The following SLC7A10 variants were observed in gnomAD, a reference collection of about 807,000 sequenced individuals.
SLC7A10 encodes solute carrier family 7 member 10.
SLC7A10 carries 30 observed loss-of-function variants against 52.7 expected under a neutral mutation model. That is an observed-to-expected ratio of 0.57 (90% CI 0.43 to 0.77). SLC7A10 has a LOEUF of 0.77. Ranked by LOEUF, SLC7A10 falls within the 30% of genes least tolerant of loss-of-function variation. The pLI is 0.00. For synonymous variants in SLC7A10, 318 were observed against 314.9 expected (o/e 1.01, Z -0.10); for missense variants, 581 against 698.5 (o/e 0.83, Z 1.90).
rs777953952 is a variant in SLC7A10, at chr19:33,212,569, C to T, written c.579G>A (p.Gly193=). Residue 193 remains glycine (G), a synonymous_variant, in exon 4 of 11, where the codon GGG becomes GGA. Transcript: ENST00000253188. ...TGATGAGGGACAAGGCCAGCAGCTT[C>T]CCGCCTGTGAACATGTCCTGGATGC... ...ATRIQDMFTG[G]KLLALSLIIG... 5.6e-6 allele frequency: 9 copies of T among 1,613,908 alleles called. No homozygotes were observed. Among genetic ancestry groups the T allele is most frequent in the Non-Finnish European group, 6.8e-6 (8 of 1,180,064 alleles).
chr19:33,222,775 C>T (rs1255641663), intron 1 of SLC7A10, among the ~76,000 whole-genome samples: 2 of 152,054 alleles, frequency 1.3e-5, no homozygotes, highest in South Asian at 2.1e-4. Context: ...GGCCGATTCC[C>T]TTCCATCTGT....
chr19:33,212,021 A>C (rs1974564845), intron 5 of SLC7A10: 1 of 573,010 alleles, frequency 1.7e-6, no homozygotes, highest in African/African-American at 1.9e-5. Flanking sequence ...GCCAAATGCA[A>C]ATCTCTGGAT....
Position 33,214,574 on chromosome 19 carries a change from C to T in SLC7A10, c.356+1195G>A, listed in dbSNP as rs77769736. On this transcript the variant is annotated intron_variant, in intron 2 of 10. Coordinates refer to ENST00000253188, the MANE Select transcript of SLC7A10 (RefSeq NM_019849.3). The stretch of plus-strand genomic sequence containing the variant: ...ACCTGCCGTAAACCCAACCTGACCT[C>T]ACCTCTAGCTACAGCAGACTCCCTG... 7.0e-3 allele frequency among the ~76,000 whole-genome samples: 1,074 copies of T among 152,372 alleles called. 11 individuals carry two copies. The highest frequency in any genetic ancestry group is 0.025 in the African/African-American group (1,026 of 41,582).
chr19:33,209,759 C>T (rs8107888), intron 9 of SLC7A10, among the ~76,000 whole-genome samples: 5,211 of 152,232 alleles, frequency 0.034, 318 homozygotes, highest in African/African-American at 0.12. Flanking sequence ...TTGCACTTGG[C>T]TGGAGGTCAG....
At position 33,225,599 on chromosome 19, in the gene SLC7A10, C is replaced by T. The variant is rs201078134; in HGVS notation, c.105G>A (p.Ala35=). Residue 35 remains alanine (A), a synonymous_variant, in exon 1 of 11, where the codon GCG becomes GCA. Transcript: ENST00000253188. Reference sequence around the variant, plus strand: ...TCAGCAGCCCGATCTCCTTCTTGAGCGCCACCCGCTCCGAGGCGCCGGGGA... The same window carrying T: ...TCAGCAGCCCGATCTCCTTCTTGAGTGCCACCCGCTCCGAGGCGCCGGGGA... The part of the protein sequence containing the change: ...GTVPGASERV[A]LKKEIGLLSA... 158 of 1,595,586 alleles carry T rather than the reference C, an allele frequency of 9.9e-5. No individual in the cohort carries two copies. The highest frequency in any genetic ancestry group is 9.8e-4 in the East Asian group (44 of 44,812).
chr19:33,220,016 C>A (rs1974779989), intron 1 of SLC7A10: 1 of 152,338 alleles, frequency 6.6e-6, no homozygotes, highest in Non-Finnish European at 1.5e-5. Context: ...CCACCCGGGA[C>A]CCCAACACCC....
chr19:33,210,692 A>AGC lies in SLC7A10; in HGVS notation c.1114-77_1114-76insGC. On this transcript the variant is annotated intron_variant, in intron 8 of 10. Coordinates refer to ENST00000253188, the MANE Select transcript of SLC7A10 (RefSeq NM_019849.3). This position sits in a 1 kb window ranked among gnomAD's most constrained non-coding sequence, Gnocchi z 5.6. ...CCCCTGCAGGATGAGCCCTGGCCCC[A>AGC]CCCCCAACCCCCACCCTGGAATGGC... 6.3e-7 allele frequency: 1 copy of AGC among 1,597,840 alleles called. No homozygotes were observed.
intron 3 of SLC7A10, 66 bp from the exon 4 acceptor site, chr19:33,212,705 C>T (rs1974582619): frequency 1.2e-6 from 2 of 1,611,902 alleles, no homozygotes; most frequent in African/African-American, 1.3e-5. Flanking sequence ...TGGCCAAGTC[C>T]AGCCCAGGCG....
In SLC7A10 at chr19:33,216,888, T is replaced by C. The variant is rs532021092; in HGVS notation, c.152-915A>G. 4.6e-5 allele frequency among the ~76,000 whole-genome samples: 7 copies of C among 152,032 alleles called. No individual in the cohort carries two copies. The South Asian group carries it at 1.5e-3, about 32-fold the overall frequency. On this transcript the variant is annotated intron_variant, in intron 1 of 10. Coordinates refer to ENST00000253188, the MANE Select transcript of SLC7A10 (RefSeq NM_019849.3). ...AGTCACTGTGCCCAGCTTCTTTCTT[T>C]CATTTAGACAGGGTCTCGCTCTGCC...
intron 7 of SLC7A10, 110 bp downstream of exon 7, chr19:33,211,115 G>T: frequency 1.8e-6 from 2 of 1,136,514 alleles, no homozygotes; most frequent in South Asian, 1.3e-5. Flanking sequence ...CCCAGCTTCA[G>T]GCAGACCCCT....
Position 33,222,449 on chromosome 19 carries a change from T to A in SLC7A10, c.151+3104A>T, listed in dbSNP as rs76091320. On this transcript the variant is annotated intron_variant, in intron 1 of 10. Coordinates refer to ENST00000253188, the MANE Select transcript of SLC7A10 (RefSeq NM_019849.3). Reference sequence around the variant, plus strand: ...ATAAAATAAAATAAAATAAAATAAATAAAATAAAATAAAATAAATAAAATA... The same window carrying A: ...ATAAAATAAAATAAAATAAAATAAAAAAAATAAAATAAAATAAATAAAATA... Among the ~76,000 whole-genome samples, 105 of 77,412 alleles carry A rather than the reference T, an allele frequency of 1.4e-3. 1 individual carries two copies. Among genetic ancestry groups the A allele is most frequent in the Middle Eastern group, 7.2e-3 (1 of 138 alleles). The allele number at this position is 77,412 out of a possible 152,430, so 50.8% of individuals were successfully genotyped here. A position where few individuals can be genotyped will look rare whatever the true frequency, so the allele number is the denominator to read the frequency against.
chr19:33,213,020 G>A lies in SLC7A10; in HGVS notation c.357-18C>T, dbSNP rs765741037. On this transcript the variant is annotated intron_variant, in intron 2 of 10. Transcript: ENST00000253188. ...GCAGAAAGCTGGAAGGAGCAGGGGC[G>A]GGAGTGGCTCAAGCTGCCCAGAGCC... 1.9e-5 allele frequency: 30 copies of A among 1,580,744 alleles called. No individual in the cohort carries two copies. Among genetic ancestry groups the A allele is most frequent in the Non-Finnish European group, 2.2e-5 (26 of 1,163,798 alleles).
chr19:33,210,799 T>A lies in SLC7A10; in HGVS notation c.1113+3A>T. ...CCTGCCTGGCCCAGGTCCCCCAACTTACACAGACGAGGAGGGCGGGGATGG... is the reference window on the plus strand; with the variant it reads ...CCTGCCTGGCCCAGGTCCCCCAACTAACACAGACGAGGAGGGCGGGGATGG... On this transcript the variant is annotated splice_donor_region_variant and intron_variant, in intron 8 of 10. Coordinates refer to ENST00000253188, the MANE Select transcript of SLC7A10 (RefSeq NM_019849.3). The surrounding 1 kb of genome is among the most constrained non-coding windows in gnomAD (Gnocchi z 5.6). 1 of 1,613,354 alleles carries A rather than the reference T, an allele frequency of 6.2e-7. No individual in the cohort carries two copies.
Position 33,215,813 on chromosome 19 carries a change from G to T in SLC7A10, c.312C>A (p.Gly104=). 6.3e-7 allele frequency: 1 copy of T among 1,578,546 alleles called. No homozygotes were observed. The highest frequency in any genetic ancestry group is 8.6e-7 in the Non-Finnish European group (1 of 1,162,526). The change falls in exon 2 of 11, where the codon GGC becomes GGA. Residue 104 remains glycine, a synonymous_variant. Transcript: ENST00000253188. The part of the protein sequence containing the change: ...AELGVAIPKS[G]GDYAYVTEIF... ...TCTCTGTGACGTAGGCGTAGTCCCC[G>T]CCAGACTTGGGGATGGCGACTCCCA...
chr19:33,209,902 C>A (rs1007809321), intron 9 of SLC7A10, among the ~76,000 whole-genome samples: 1 of 151,890 alleles, frequency 6.6e-6, no homozygotes, highest in Admixed American at 6.6e-5. Flanking sequence ...ATCCTGGCAG[C>A]CTTTGTGACC....
intron 1 of SLC7A10, 56 bp downstream of exon 1, chr19:33,225,497 G>A: frequency 1.9e-6 from 3 of 1,584,356 alleles, no homozygotes; most frequent in East Asian, 2.2e-5. Context: ...CGTTCGGAGC[G>A]GCTGCGCCCC....
intron 1 of SLC7A10, among the ~76,000 whole-genome samples, chr19:33,219,725 A>G (rs559136125): frequency 6.6e-6 from 1 of 152,252 alleles, no homozygotes; most frequent in African/African-American, 2.4e-5. Flanking sequence ...CATGTCCCTC[A>G]CTGTGGCAGG....
At position 33,208,837 on chromosome 19, in the gene SLC7A10, T is replaced by C. The variant is rs1245022036; in HGVS notation, c.*54A>G. The C allele has an allele frequency of 3.2e-6, 5 of 1,568,958 alleles. No individual in the cohort carries two copies. Among genetic ancestry groups the C allele is most frequent in the Non-Finnish European group, 4.3e-6 (5 of 1,153,430 alleles). ...AACAAAACTTTTTTGCCAAAACACC[T>C]CCTCAATAAACAACATGTAAACAGA... On this transcript the variant is annotated 3_prime_UTR_variant, in exon 11 of 11. Transcript: ENST00000253188. This position sits in a 1 kb window ranked among gnomAD's most constrained non-coding sequence, Gnocchi z 4.7.
At chr19:33,209,213 T>G in intron 10 of SLC7A10, 95 bp downstream of exon 10, 2 of 1,561,824 alleles carry the variant, frequency 1.3e-6, no homozygotes, top group Non-Finnish European at 1.8e-6. Flanking sequence ...CCTCAGCTGC[T>G]AGGACACCCT....
Sources: gnomAD v4.1 joint callset for allele counts (sites outside exome capture counted in the v4.1 genomes callset) on GRCh38, gnomAD v4.1.1 for gene constraint, Gnocchi (gnomAD v3.1) non-coding constraint, MANE v1.5 for transcripts, NCBI Gene and HGNC (gene_info 2026-07-23, HGNC 2026-07-21) for gene names.